The following ZBTB20 variants were observed in gnomAD, a reference collection of about 807,000 sequenced individuals.
ZBTB20 encodes zinc finger and BTB domain containing 20, also known as zinc finger and BTB domain-containing protein 20.
ZBTB20 carries 9 observed loss-of-function variants against 56.9 expected under a neutral mutation model. The ratio of observed to expected loss-of-function variants is 0.16; its 90% CI spans 0.10 to 0.28. The LOEUF (loss-of-function observed/expected upper bound fraction) is 0.28. Ranked by LOEUF, ZBTB20 falls within the 10% of genes least tolerant of loss-of-function variation. The pLI is 1.00. For synonymous variants in ZBTB20, 417 were observed against 420.7 expected, an observed-to-expected ratio of 0.99 and a Z score of 0.11; for missense variants, 655 against 1,003.0, an observed-to-expected ratio of 0.65 and a Z score of 4.69.
At chr3:115,005,771 T>G (rs1041418952) in intron 2 of ZBTB20, among the ~76,000 whole-genome samples, 1 of 151,812 alleles carries the variant, frequency 6.6e-6, no homozygotes, top group African/African-American at 2.4e-5. Context: ...TGTATTCACC[T>G]TCTAACTGGA....
chr3:114,938,762 G>A (rs1344967756), intron 3 of ZBTB20, among the ~76,000 whole-genome samples: 1 of 145,406 alleles, frequency 6.9e-6, no homozygotes, highest in Non-Finnish European at 1.5e-5. Context: ...CATGGCACAT[G>A]TATACCTATG....
At chr3:114,846,465 A>G (rs760592077) in intron 4 of ZBTB20, among the ~76,000 whole-genome samples, 1 of 152,166 alleles carries the variant, frequency 6.6e-6, no homozygotes, top group Non-Finnish European at 1.5e-5. Flanking sequence ...CCTAGAGCCA[A>G]TCTGGGGAGT....
intron 6 of ZBTB20, chr3:114,582,143 T>C (rs1278948783): frequency 6.6e-6 from 1 of 152,204 alleles, no homozygotes; most frequent in Non-Finnish European, 1.5e-5. Flanking sequence ...AAATTTCACC[T>C]TCAAGGGGCA....
chr3:115,060,903 T>C (rs1370519334), intron 2 of ZBTB20, among the ~76,000 whole-genome samples: 1 of 152,130 alleles, frequency 6.6e-6, no homozygotes, highest in Non-Finnish European at 1.5e-5. Context: ...CTATTCAATA[T>C]TTCAGAATTT....
intron 1 of ZBTB20, among the ~76,000 whole-genome samples, chr3:115,145,418 C>T (rs1013083586): frequency 7.2e-5 from 11 of 152,320 alleles, no homozygotes; most frequent in African/African-American, 2.4e-4. Flanking sequence ...AAGTCCCTTA[C>T]ATAAAATAGT....
intron 6 of ZBTB20, among the ~76,000 whole-genome samples, chr3:114,504,803 C>G (rs1334960032): frequency 6.6e-6 from 1 of 152,158 alleles, no homozygotes; most frequent in African/African-American, 2.4e-5. Context: ...TTAATCCCCA[C>G]TACAAGAGAA....
intron 4 of ZBTB20, chr3:114,861,864 C>T (rs1481816979): frequency 3.3e-5 from 5 of 152,178 alleles, no homozygotes; most frequent in East Asian, 1.9e-4. Context: ...ACTAGAGCTG[C>T]CACCTGTCAC....
chr3:114,713,082 C>T (rs2064205238), intron 5 of ZBTB20, among the ~76,000 whole-genome samples: 2 of 152,124 alleles, frequency 1.3e-5, no homozygotes, highest in Admixed American at 6.5e-5. Flanking sequence ...TCAGTCTGTA[C>T]TAGTATACCA....
chr3:115,100,545 T>A (rs2083551760), intron 1 of ZBTB20: 1 of 152,352 alleles, frequency 6.6e-6, no homozygotes, highest in African/African-American at 2.4e-5. Flanking sequence ...GCAACTCGTC[T>A]AATGCAGCAA....
intron 8 of ZBTB20, among the ~76,000 whole-genome samples, chr3:114,386,157 C>A (rs775421119): frequency 6.6e-6 from 1 of 152,152 alleles, no homozygotes; most frequent in Non-Finnish European, 1.5e-5. Flanking sequence ...TGAGACCAAC[C>A]TATGGGACTC....
chr3:114,656,541 T>C (rs537764156), intron 6 of ZBTB20, among the ~76,000 whole-genome samples: 1 of 152,274 alleles, frequency 6.6e-6, no homozygotes, highest in East Asian at 1.9e-4. Flanking sequence ...GAATCCTTTT[T>C]CTCTCTGTTC....
intron 6 of ZBTB20, among the ~76,000 whole-genome samples, chr3:114,665,762 T>C (rs887071993): frequency 2.0e-5 from 3 of 152,018 alleles, no homozygotes; most frequent in Non-Finnish European, 4.4e-5. Flanking sequence ...TAACAATTCA[T>C]TGAACATGAG....
At chr3:114,451,664 A>G (rs974231971) in intron 7 of ZBTB20, among the ~76,000 whole-genome samples, 1 of 152,154 alleles carries the variant, frequency 6.6e-6, no homozygotes, top group Admixed American at 6.5e-5. Context: ...AAATAAAAGA[A>G]AACAAACAGA....
intron 2 of ZBTB20, among the ~76,000 whole-genome samples, chr3:115,050,374 G>GT (rs1195186891): frequency 6.6e-6 from 1 of 151,632 alleles, no homozygotes. Context: ...CTTCAAAAGA[G>GT]TTTTTTTATG....
At chr3:114,493,084 AT>A (rs149914425) in intron 7 of ZBTB20, among the ~76,000 whole-genome samples, 2 of 152,072 alleles carry the variant, frequency 1.3e-5, no homozygotes, top group Non-Finnish European at 1.5e-5. Flanking sequence ...ATCCTTACAT[AT>A]TTTTTTCATT....
rs112647067 is a variant in ZBTB20, at chr3:114,935,577, T to C, written c.-455-35235A>G. Among the ~76,000 whole-genome samples the C allele has an allele frequency of 6.1e-3, 926 of 152,362 alleles. 12 individuals carry two copies. Among genetic ancestry groups the C allele is most frequent in the African/African-American group, 0.022 (897 of 41,580 alleles). On this transcript the variant is annotated intron_variant, in intron 3 of 11. Transcript: ENST00000675478. ...GATTAGTAAACCATCTGAAAATTAC[T>C]GCATTTTGTAAACTTTGGTAAAATG...
At chr3:114,425,365 C>G (rs1298194916) in intron 7 of ZBTB20, among the ~76,000 whole-genome samples, 1 of 152,180 alleles carries the variant, frequency 6.6e-6, no homozygotes, top group Admixed American at 6.5e-5. Context: ...ATTTCTTCTA[C>G]ACGTTGTCTC....
At chr3:114,848,858 G>A (rs1443226458) in intron 4 of ZBTB20, among the ~76,000 whole-genome samples, 1 of 152,188 alleles carries the variant, frequency 6.6e-6, no homozygotes, top group Non-Finnish European at 1.5e-5. Context: ...TGGGCCACAG[G>A]TGGATGCCTT....
At chr3:114,683,758 AG>A (rs1275914257) in intron 6 of ZBTB20, among the ~76,000 whole-genome samples, 1 of 151,918 alleles carries the variant, frequency 6.6e-6, no homozygotes, top group African/African-American at 2.4e-5. Context: ...GCATTGGAAA[AG>A]GTCCTGGGGC....
Sources: gnomAD v4.1 joint callset for allele counts (sites outside exome capture counted in the v4.1 genomes callset) on GRCh38, gnomAD v4.1.1 for gene constraint, MANE v1.5 for transcripts, NCBI Gene and HGNC (gene_info 2026-07-23, HGNC 2026-07-21) for gene names.